Variants in DOCK7 observed in about 807,000 individuals in gnomAD.
DOCK7 encodes dedicator of cytokinesis protein 7.
In DOCK7, 138 loss-of-function variants were observed where a neutral mutation model predicts 271.0. The observed-to-expected ratio is 0.51, with a 90% confidence interval of 0.44 to 0.59. The LOEUF (loss-of-function observed/expected upper bound fraction) is 0.59, where lower values mean the gene tolerates loss of function less well. Ranked by LOEUF, DOCK7 falls within the 20% of genes least tolerant of loss-of-function variation. The pLI, the probability that DOCK7 is intolerant of heterozygous loss-of-function variation, is 0.00. For synonymous variants in DOCK7, 823 were observed against 876.1 expected, an observed-to-expected ratio of 0.94 and a Z score of 1.07; for missense variants, 2,066 against 2,592.4, an observed-to-expected ratio of 0.80 and a Z score of 4.41.
In DOCK7 at chr1:62,668,828, A is replaced by G. The variant is rs140119607; in HGVS notation, c.39-5698T>C. ...GAGGACTAGCTACTTGGGAGGCTGA[A>G]GCAGGAGGACAGCTTGAGCCCAGGA... On this transcript the variant is annotated intron_variant, in intron 1 of 49. Transcript: ENST00000635253. Among the ~76,000 whole-genome samples the G allele has an allele frequency of 3.2e-3, 492 of 151,644 alleles. 4 individuals carry two copies. Among genetic ancestry groups the G allele is most frequent in the African/African-American group, 0.011 (453 of 41,366 alleles).
chr1:62,621,464 T>C (rs988815690), intron 12 of DOCK7, among the ~76,000 whole-genome samples: 1 of 152,210 alleles, frequency 6.6e-6, no homozygotes, highest in Non-Finnish European at 1.5e-5. Context: ...TTTATGCATA[T>C]TTCATATATT....
chr1:62,678,068 T>C (rs1262311593), intron 1 of DOCK7, among the ~76,000 whole-genome samples: 2 of 152,092 alleles, frequency 1.3e-5, no homozygotes, highest in Admixed American at 6.6e-5. Flanking sequence ...TTCAAGGTTA[T>C]AGTGAGCTAT....
intron 47 of DOCK7, among the ~76,000 whole-genome samples, chr1:62,474,714 T>C (rs1645922408): frequency 6.6e-6 from 1 of 152,226 alleles, no homozygotes; most frequent in Non-Finnish European, 1.5e-5. Context: ...TATCATGGAA[T>C]ATTCCTAAGA....
At chr1:62,543,198 C>T in intron 24 of DOCK7, 1 of 154,622 alleles carries the variant, frequency 6.5e-6, no homozygotes, top group South Asian at 2.0e-4. Flanking sequence ...AATGGATATG[C>T]ATACAAAGCA....
chr1:62,491,447 A>T (rs542006773), intron 41 of DOCK7, among the ~76,000 whole-genome samples: 5 of 152,258 alleles, frequency 3.3e-5, no homozygotes, highest in Non-Finnish European at 5.9e-5. Context: ...AATTCAGCTA[A>T]CTATCTTTTC....
intron 28 of DOCK7, 60 bp from the exon 29 acceptor site, chr1:62,535,692 C>T: frequency 1.3e-6 from 2 of 1,498,888 alleles, no homozygotes; most frequent in Non-Finnish European, 1.8e-6. Flanking sequence ...ATCCTACAGA[C>T]AGAGCAATAT....
intron 2 of DOCK7, among the ~76,000 whole-genome samples, chr1:62,656,774 C>T (rs978709973): frequency 3.3e-5 from 5 of 151,026 alleles, no homozygotes; most frequent in African/African-American, 4.9e-5. Context: ...ACCCAGAATA[C>T]ACCAAGAAGC....
At chr1:62,621,179 G>A (rs966249928) in intron 12 of DOCK7, among the ~76,000 whole-genome samples, 1 of 151,790 alleles carries the variant, frequency 6.6e-6, no homozygotes, top group African/African-American at 2.4e-5. Flanking sequence ...GGGAGGGAGG[G>A]GGAGGAGGAA....
chr1:62,535,640 A>C lies in DOCK7; in HGVS notation c.3472-8T>G. On this transcript the variant is annotated splice_polypyrimidine_tract_variant and splice_region_variant and intron_variant, in intron 28 of 49. Transcript: ENST00000635253. ...CGTAGAAAATCCAGAACTCTGTTGGAAAGTGAGGCAGAACAAGACTATAAC... is the reference window on the plus strand; with the variant it reads ...CGTAGAAAATCCAGAACTCTGTTGGCAAGTGAGGCAGAACAAGACTATAAC... 3.1e-6 allele frequency: 5 copies of C among 1,612,154 alleles called. No homozygotes were observed. The highest frequency in any genetic ancestry group is 4.2e-6 in the Non-Finnish European group (5 of 1,179,026).
chr1:62,578,736 A>C, intron 17 of DOCK7, 92 bp downstream of exon 17: 3 of 1,039,164 alleles, frequency 2.9e-6, no homozygotes, highest in Admixed American at 3.4e-5. Flanking sequence ...AAAAAAAAAA[A>C]AAACCCACAA....
chr1:62,594,138 A>T (rs955988327), intron 14 of DOCK7, among the ~76,000 whole-genome samples: 2 of 152,064 alleles, frequency 1.3e-5, no homozygotes, highest in African/African-American at 4.8e-5. Flanking sequence ...TAGTTTTTAC[A>T]TTACTGGTTA....
intron 18 of DOCK7, among the ~76,000 whole-genome samples, chr1:62,572,165 T>C (rs1434467017): frequency 6.6e-6 from 1 of 152,156 alleles, no homozygotes; most frequent in South Asian, 2.1e-4. Context: ...CCAACCTAGA[T>C]CGGCTGTCAC....
chr1:62,466,941 AAAAC>A (rs1645696188), intron 48 of DOCK7, among the ~76,000 whole-genome samples: 1 of 152,088 alleles, frequency 6.6e-6, no homozygotes, highest in South Asian at 2.1e-4. Context: ...AAAACAAAAA[AAAAC>A]AAAAAACAAG....
chr1:62,461,923 T>C (rs930103588), intron 48 of DOCK7, among the ~76,000 whole-genome samples: 9 of 150,482 alleles, frequency 6.0e-5, no homozygotes, highest in East Asian at 4.0e-4. Context: ...AATACAAAAT[T>C]TGCCAGGCGT....
intron 48 of DOCK7, among the ~76,000 whole-genome samples, chr1:62,473,525 G>C (rs1412974508): frequency 2.6e-5 from 4 of 152,120 alleles, no homozygotes; most frequent in Non-Finnish European, 5.9e-5. Context: ...TGCTATTAAA[G>C]AGTAGTAAAT....
chr1:62,670,488 G>C (rs1359104973), intron 1 of DOCK7, among the ~76,000 whole-genome samples: 1 of 150,496 alleles, frequency 6.6e-6, no homozygotes, highest in South Asian at 2.1e-4. Context: ...TGGTGAGGAC[G>C]TGGAGAACCT....
Position 62,653,744 on chromosome 1 carries a change from A to G in DOCK7, c.370T>C (p.Trp124Arg). 6.3e-7 allele frequency: 1 copy of G among 1,586,778 alleles called. No homozygotes were observed. Among genetic ancestry groups the G allele is most frequent in the Non-Finnish European group, 8.6e-7 (1 of 1,156,520 alleles). Reference protein sequence around the residue: ...RDCIRSYTEDWAIVIRKYHKL... With the variant: ...RDCIRSYTEDRAIVIRKYHKL... ...ACTTACTTTCTGATGACAATTGCCC[A>G]GTCTTCTGTATAACTTCTTATACAG... Residue 124 changes from tryptophan to arginine, a missense_variant, in exon 4 of 50, where the codon TGG (tryptophan) becomes CGG (arginine). By Grantham distance (101) the Trp-to-Arg change is moderately radical. Coordinates refer to ENST00000635253, the MANE Select transcript of DOCK7 (RefSeq NM_001367561.1).
intron 7 of DOCK7, among the ~76,000 whole-genome samples, chr1:62,640,580 T>C (rs1415946488): frequency 6.6e-6 from 1 of 152,106 alleles, no homozygotes; most frequent in Admixed American, 6.6e-5. Context: ...TCAAAGTGAT[T>C]TATTTGATTC....
At chr1:62,619,214 T>G (rs999267168) in intron 13 of DOCK7, among the ~76,000 whole-genome samples, 1 of 152,222 alleles carries the variant, frequency 6.6e-6, no homozygotes, top group Admixed American at 6.5e-5. Flanking sequence ...AGTTTTGACT[T>G]AGCAAACTTT....
Sources: gnomAD v4.1 joint callset for allele counts (sites outside exome capture counted in the v4.1 genomes callset) on GRCh38, gnomAD v4.1.1 for gene constraint, MANE v1.5 for transcripts, NCBI Gene and HGNC (gene_info 2026-07-23, HGNC 2026-07-21) for gene names.